The following PCDHGA5 variants were observed in gnomAD, a reference collection of about 807,000 sequenced individuals.
PCDHGA5 encodes the protein protocadherin gamma subfamily A, 5.
A neutral mutation model predicts 56.7 loss-of-function variants in PCDHGA5; 36 were observed. The ratio of observed to expected loss-of-function variants is 0.64; its 90% CI spans 0.49 to 0.84. PCDHGA5 has a LOEUF of 0.84. PCDHGA5 is among the 40% of genes least tolerant of loss of function. PCDHGA5 has a pLI of 0.00. For synonymous variants in PCDHGA5, 563 were observed against 520.2 expected, an observed-to-expected ratio of 1.08 and a Z score of -1.12; for missense variants, 1,305 against 1,201.5, an observed-to-expected ratio of 1.09 and a Z score of -1.27.
chr5:141,410,184 A>AT, intron 1 of PCDHGA5: 1 of 1,613,918 alleles, frequency 6.2e-7, no homozygotes, highest in Non-Finnish European at 8.5e-7. Context: ...GCCACGCTTC[A>AT]TCTGGTCTTC....
chr5:141,414,161 G>A (rs960511656), intron 1 of PCDHGA5: 1 of 1,603,276 alleles, frequency 6.2e-7, no homozygotes, highest in Non-Finnish European at 8.5e-7. Flanking sequence ...GAAGATGGAG[G>A]AGCATATCTT....
In PCDHGA5 at chr5:141,477,798, A is replaced by G; in HGVS notation, c.2422-17009A>G. On this transcript the variant is annotated intron_variant, in intron 1 of 3. Transcript: ENST00000518069. The surrounding 1 kb of genome is among the most constrained non-coding windows in gnomAD (Gnocchi z 4.9). ...GTGAACATATTTGTCACTGATCGCA[A>G]TGACAATGCCCCCCAGGTCCTATAT... The G allele has an allele frequency of 6.2e-7, 1 of 1,614,140 alleles. No homozygotes were observed. The highest frequency in any genetic ancestry group is 8.5e-7 in the Non-Finnish European group (1 of 1,180,038).
chr5:141,476,146 G>C lies in PCDHGA5; in HGVS notation c.2422-18661G>C. 1 of 1,611,402 alleles carries C rather than the reference G, an allele frequency of 6.2e-7. No individual in the cohort carries two copies. On this transcript the variant is annotated intron_variant, in intron 1 of 3. Transcript: ENST00000518069. This position sits in a 1 kb window ranked among gnomAD's most constrained non-coding sequence, Gnocchi z 7.6. ...TCCCAGAGGCCTGGAGGAGCGGACT[G>C]GTAAGCACCGGGAGGGTAGTGGGAG...
intron 3 of PCDHGA5, chr5:141,507,010 G>A (rs371780810): frequency 1.3e-5 from 2 of 152,324 alleles, no homozygotes; most frequent in East Asian, 1.9e-4. Flanking sequence ...TGAGAGAACC[G>A]AGAAGGCACT....
Position 141,432,108 on chromosome 5 carries a change from C to T in PCDHGA5, c.2422-62699C>T, listed in dbSNP as rs1432933024. The T allele has an allele frequency of 1.9e-6, 3 of 1,614,180 alleles. No homozygotes were observed. The highest frequency in any genetic ancestry group is 1.7e-5 in the Admixed American group (1 of 60,020). Reference sequence around the variant, plus strand: ...GTGGCAGACACCAACGACAACCCGCCGGTCTTCCCTCAGGCCTCCTATTCC... The same window carrying T: ...GTGGCAGACACCAACGACAACCCGCTGGTCTTCCCTCAGGCCTCCTATTCC... On this transcript the variant is annotated intron_variant, in intron 1 of 3. Coordinates refer to ENST00000518069, the MANE Select transcript of PCDHGA5 (RefSeq NM_018918.3). The surrounding 1 kb of genome is among the most constrained non-coding windows in gnomAD (Gnocchi z 6.0).
chr5:141,487,100 C>A lies in PCDHGA5; in HGVS notation c.2422-7707C>A. ...CCCAGCTGACCTCCCACCACAGAAGCTGGTCATTGTGGTAAAGGATAGTGG... is the reference window on the plus strand; with the variant it reads ...CCCAGCTGACCTCCCACCACAGAAGATGGTCATTGTGGTAAAGGATAGTGG... On this transcript the variant is annotated intron_variant, in intron 1 of 3. Coordinates refer to ENST00000518069, the MANE Select transcript of PCDHGA5 (RefSeq NM_018918.3). This position sits in a 1 kb window ranked among gnomAD's most constrained non-coding sequence, Gnocchi z 5.0. The A allele has an allele frequency of 1.2e-6, 2 of 1,614,076 alleles. No homozygotes were observed. The highest frequency in any genetic ancestry group is 1.7e-6 in the Non-Finnish European group (2 of 1,179,960).
intron 1 of PCDHGA5, among the ~76,000 whole-genome samples, chr5:141,462,160 A>T (rs575238638): frequency 4.6e-5 from 7 of 152,122 alleles, no homozygotes; most frequent in Non-Finnish European, 1.0e-4. Flanking sequence ...GGGTTTCATC[A>T]TGTTGGCCAG....
At position 141,366,205 on chromosome 5, in the gene PCDHGA5, G is replaced by T. The variant is rs1203198525; in HGVS notation, c.1875G>T (p.Glu625Asp). ...TTGCGGTTGGGCTGCACACGGGCGA[G>T]GTGCGCACAGCGCGAGCCCTGCTGG... ...GLFAVGLHTG[E>D]VRTARALLDR... Residue 625 changes from glutamate (E) to aspartate (D), a missense_variant, in exon 1 of 4, where the codon GAG becomes GAT. Physicochemically the swap from Glu to Asp is conservative, Grantham distance 45. Transcript: ENST00000518069. 1.2e-6 allele frequency: 2 copies of T among 1,613,726 alleles called. No homozygotes were observed. Among genetic ancestry groups the T allele is most frequent in the Non-Finnish European group, 1.7e-6 (2 of 1,180,048 alleles).
At chr5:141,384,990 G>A in intron 1 of PCDHGA5, 1 of 1,614,140 alleles carries the variant, frequency 6.2e-7, no homozygotes, top group Non-Finnish European at 8.5e-7. Context: ...TGGTGGCGGT[G>A]GCCACAGTCT....
intron 1 of PCDHGA5, chr5:141,414,929 C>T (rs2095802879): frequency 6.2e-7 from 1 of 1,614,152 alleles, no homozygotes; most frequent in Non-Finnish European, 8.5e-7. Context: ...GCGCCCCGCT[C>T]CGCAGAGCCC....
chr5:141,373,163 A>G (rs1171278735), intron 1 of PCDHGA5, among the ~76,000 whole-genome samples: 1 of 152,252 alleles, frequency 6.6e-6, no homozygotes, highest in Non-Finnish European at 1.5e-5. Context: ...GTTTTAATGC[A>G]GTCAATCCTA....
intron 3 of PCDHGA5, among the ~76,000 whole-genome samples, chr5:141,510,518 GC>G (rs2099881500): frequency 6.6e-6 from 1 of 152,112 alleles, no homozygotes; most frequent in Non-Finnish European, 1.5e-5. Context: ...CCGTGTCACA[GC>G]CCTGAGAGAA....
In PCDHGA5 at chr5:141,511,086, G is replaced by A. The variant is rs2099883600; in HGVS notation, c.2709G>A (p.Leu903=). The A allele has an allele frequency of 1.2e-6, 2 of 1,614,062 alleles. No individual in the cohort carries two copies. The highest frequency in any genetic ancestry group is 2.2e-5 in the East Asian group (1 of 44,886). The change falls in exon 4 of 4, where the codon CTG becomes CTA. Residue 903 remains leucine (L), a synonymous_variant. Transcript: ENST00000518069. ...ACATCCCAGGCAGCAATGCCACACT[G>A]ACCAACGCAGCTGGCAAGCGGGATG... is the stretch of plus-strand genomic sequence containing the variant. The part of the protein sequence containing the change: ...NVYIPGSNAT[L]TNAAGKRDGK...
At position 141,431,110 on chromosome 5, in the gene PCDHGA5, T is replaced by G; in HGVS notation, c.2422-63697T>G. 1.2e-6 allele frequency: 2 copies of G among 1,614,168 alleles called. No individual in the cohort carries two copies. The highest frequency in any genetic ancestry group is 1.7e-6 in the Non-Finnish European group (2 of 1,180,012). On this transcript the variant is annotated intron_variant, in intron 1 of 3. Transcript: ENST00000518069. This position sits in a 1 kb window ranked among gnomAD's most constrained non-coding sequence, Gnocchi z 4.8. Reference sequence around the variant, plus strand: ...TGATGGAGGATAAAGTGAAAATATATGGAGTAGAAGTAGAAGTAAGGGACA... The same window carrying G: ...TGATGGAGGATAAAGTGAAAATATAGGGAGTAGAAGTAGAAGTAAGGGACA...
rs2094361083 is a variant in PCDHGA5 at position 141,403,148 on chromosome 5, A to T, written c.2421+36397A>T. The T allele has an allele frequency of 2.5e-6, 4 of 1,614,050 alleles. No homozygotes were observed. The South Asian group carries it at 4.4e-5, about 18-fold the overall frequency. On this transcript the variant is annotated intron_variant, in intron 1 of 3. Coordinates refer to ENST00000518069, the MANE Select transcript of PCDHGA5 (RefSeq NM_018918.3). ...GGAGCTGGCGGAGCGCCGAGTCCGC[A>T]TCGTCTCTAGAGGTAGGACGCAGCT...
intron 2 of PCDHGA5, among the ~76,000 whole-genome samples, chr5:141,501,700 C>T (rs936448354): frequency 6.6e-6 from 1 of 151,950 alleles, no homozygotes; most frequent in African/African-American, 2.4e-5. Flanking sequence ...AGGGTGATTC[C>T]GAGGATAAAA....
At chr5:141,421,613 A>G in intron 1 of PCDHGA5, 2 of 1,613,838 alleles carry the variant, frequency 1.2e-6, no homozygotes, top group South Asian at 2.2e-5. Flanking sequence ...GATATTAATG[A>G]TAACGCCCCC....
At position 141,365,579 on chromosome 5, in the gene PCDHGA5, G is replaced by T. The variant is rs1300437364; in HGVS notation, c.1249G>T (p.Asp417Tyr). 4.3e-6 allele frequency: 7 copies of T among 1,613,564 alleles called. No homozygotes were observed. The highest frequency in any genetic ancestry group is 1.3e-5 in the African/African-American group (1 of 74,900). ...TRDLDREETS[D>Y]YNITLTVMDH... is the part of the protein sequence containing the mutation. ...GGACCTGGACAGAGAAGAGACTTCA[G>T]ATTATAATATCACTTTAACCGTCAT... Residue 417 changes from aspartate to tyrosine, a missense_variant, in exon 1 of 4, where the codon GAT (aspartate) becomes TAT (tyrosine). By Grantham distance (160) the Asp-to-Tyr change is radical. Coordinates refer to ENST00000518069, the MANE Select transcript of PCDHGA5 (RefSeq NM_018918.3).
At chr5:141,400,776 GT>G (rs1167512157) in intron 1 of PCDHGA5, 17 of 557,594 alleles carry the variant, frequency 3.0e-5, no homozygotes, top group East Asian at 1.8e-4. Flanking sequence ...CATTTGGTGC[GT>G]TTTTTTGTCC....
Sources: allele counts gnomAD v4.1 joint callset (sites outside exome capture counted in the v4.1 genomes callset), GRCh38; gene constraint gnomAD v4.1.1; non-coding constraint Gnocchi (gnomAD v3.1); transcripts MANE v1.5; gene names NCBI Gene and HGNC (gene_info 2026-07-23, HGNC 2026-07-21).